Variants in TMEM236 observed in about 807,000 individuals in gnomAD.
The protein encoded by TMEM236 is transmembrane protein 236, also known as family with sequence similarity 23, member A.
Under a neutral mutation model 14.7 loss-of-function variants are expected in TMEM236, and 11 were observed. The observed-to-expected ratio is 0.75, with a 90% CI of 0.47 to 1.24. The LOEUF is 1.24. Among genes scored for constraint, TMEM236 ranks in the 50% most tolerant of loss-of-function variants. TMEM236 has a pLI of 0.00. For missense variants in TMEM236, 464 were observed against 427.3 expected (o/e 1.09, Z -0.76); for synonymous variants, 182 against 168.6 (o/e 1.08, Z -0.62).
At chr10:17,784,559 A>G (rs1554835597) in intron 3 of TMEM236, among the ~76,000 whole-genome samples, 1 of 152,170 alleles carries the variant, frequency 6.6e-6, no homozygotes, top group African/African-American at 2.4e-5. Flanking sequence ...CATTAAAATC[A>G]ACTATGGAAA....
intron 3 of TMEM236, among the ~76,000 whole-genome samples, chr10:17,785,825 T>A (rs1000799422): frequency 2.0e-5 from 3 of 152,060 alleles, no homozygotes; most frequent in African/African-American, 4.8e-5. Context: ...GTTCTAGGAT[T>A]TTTTTTCCTC....
chr10:17,758,674 T>C (rs903456831), intron 1 of TMEM236, among the ~76,000 whole-genome samples: 3 of 152,228 alleles, frequency 2.0e-5, no homozygotes, highest in Non-Finnish European at 4.4e-5. Context: ...ACTATTTTCA[T>C]TAAAAATGTG....
At chr10:17,767,487 G>A (rs928004431) in intron 1 of TMEM236, among the ~76,000 whole-genome samples, 4 of 152,016 alleles carry the variant, frequency 2.6e-5, no homozygotes, top group Admixed American at 6.6e-5. Flanking sequence ...AAGCATATAC[G>A]AGCAGTAAGT....
chr10:17,770,090 G>T (rs1837543945), intron 1 of TMEM236, among the ~76,000 whole-genome samples: 1 of 152,102 alleles, frequency 6.6e-6, no homozygotes, highest in South Asian at 2.1e-4. Flanking sequence ...TACAGTATTT[G>T]GTTTTCTGTT....
chr10:17,773,835 A>G (rs1375374745), intron 2 of TMEM236, among the ~76,000 whole-genome samples: 8 of 152,134 alleles, frequency 5.3e-5, no homozygotes, highest in African/African-American at 1.9e-4. Context: ...TTTTTTGATT[A>G]TATGTATTGC....
At position 17,796,739 on chromosome 10, in the gene TMEM236, G is replaced by T. The variant is rs1838022035; in HGVS notation, c.*235G>T. The stretch of plus-strand genomic sequence containing the variant: ...TGGCTCTCAGGTATTTCTAGAAAAT[G>T]TTAGCAGCTAATTTTAGTTAGTTAT... On this transcript the variant is annotated 3_prime_UTR_variant, in exon 4 of 4. Transcript: ENST00000377495. 3 of 542,656 alleles carry T rather than the reference G, an allele frequency of 5.5e-6. No homozygotes were observed. The Admixed American group carries it at 9.9e-5, about 18-fold the overall frequency. The allele number at this position is 542,656 out of a possible 1,614,324, so 33.6% of individuals were successfully genotyped here. A position where few individuals can be genotyped will look rare whatever the true frequency, so the allele number is the denominator to read the frequency against.
intron 3 of TMEM236, among the ~76,000 whole-genome samples, chr10:17,792,654 C>T (rs1025776797): frequency 3.8e-4 from 58 of 152,246 alleles, no homozygotes; most frequent in African/African-American, 1.2e-3. Flanking sequence ...GACCAAAAGT[C>T]GTTTCAGCAA....
At chr10:17,772,845 T>G (rs950715767) in intron 2 of TMEM236, among the ~76,000 whole-genome samples, 9 of 152,182 alleles carry the variant, frequency 5.9e-5, no homozygotes, top group African/African-American at 2.2e-4. Context: ...AATGACTCCC[T>G]TTCCCTCCTT....
At chr10:17,771,409 C>G in intron 2 of TMEM236, 28 bp downstream of exon 2, 1 of 1,596,590 alleles carries the variant, frequency 6.3e-7, no homozygotes, top group Non-Finnish European at 8.6e-7. Context: ...TCTTCTGCTA[C>G]AAGATTATGA....
chr10:17,790,370 A>G (rs1410734884), intron 3 of TMEM236, among the ~76,000 whole-genome samples: 1 of 152,150 alleles, frequency 6.6e-6, no homozygotes, highest in Non-Finnish European at 1.5e-5. Flanking sequence ...TTCCTAGTAC[A>G]GTATCTTAGA....
chr10:17,779,823 G>A (rs935396015), intron 3 of TMEM236, among the ~76,000 whole-genome samples: 9,388 of 152,034 alleles, frequency 0.062, 449 homozygotes, highest in Non-Finnish European at 0.096. Context: ...TCACTCTCAC[G>A]TGCAAACCCC....
intron 3 of TMEM236, among the ~76,000 whole-genome samples, chr10:17,792,538 T>G (rs1837943375): frequency 6.6e-6 from 1 of 152,208 alleles, no homozygotes; most frequent in Non-Finnish European, 1.5e-5. Flanking sequence ...GAGGTAAAAA[T>G]AAATCCATAA....
chr10:17,786,103 T>C (rs1554835691), intron 3 of TMEM236, among the ~76,000 whole-genome samples: 1 of 152,170 alleles, frequency 6.6e-6, no homozygotes, highest in East Asian at 1.9e-4. Context: ...GGCAAAAGAA[T>C]TGTGAATAAT....
intron 3 of TMEM236, among the ~76,000 whole-genome samples, chr10:17,779,466 C>T (rs1167373736): frequency 1.3e-5 from 2 of 152,004 alleles, no homozygotes; most frequent in African/African-American, 2.4e-5. Flanking sequence ...TTTTTCTGCT[C>T]CCATTTAATT....
At chr10:17,772,056 G>A (rs138452759) in intron 2 of TMEM236, among the ~76,000 whole-genome samples, 113,333 of 152,096 alleles carry the variant, frequency 0.75, 43,365 homozygotes, top group African/African-American at 0.86. Flanking sequence ...TATTTCACTT[G>A]TATGTGAAGC....
At chr10:17,763,716 A>G (rs1026999570) in intron 1 of TMEM236, among the ~76,000 whole-genome samples, 1 of 152,176 alleles carries the variant, frequency 6.6e-6, no homozygotes, top group Non-Finnish European at 1.5e-5. Context: ...GAATGAGTTG[A>G]TATAGTGAAT....
At chr10:17,771,632 C>T (rs1277535609) in intron 2 of TMEM236, among the ~76,000 whole-genome samples, 2 of 152,078 alleles carry the variant, frequency 1.3e-5, no homozygotes, top group Non-Finnish European at 2.9e-5. Flanking sequence ...GATATTTGAA[C>T]GTTTAAAAAG....
At chr10:17,794,184 C>T (rs1837971202) in intron 3 of TMEM236, among the ~76,000 whole-genome samples, 1 of 152,158 alleles carries the variant, frequency 6.6e-6, no homozygotes, top group Non-Finnish European at 1.5e-5. Flanking sequence ...ATTAGTTATT[C>T]ATAATAATTT....
chr10:17,764,663 T>C (rs1837431540), intron 1 of TMEM236, among the ~76,000 whole-genome samples: 1 of 152,046 alleles, frequency 6.6e-6, no homozygotes, highest in African/African-American at 2.4e-5. Context: ...GTGAGAGATG[T>C]AAGTAAGGAA....
Sources: allele counts gnomAD v4.1 joint callset (sites outside exome capture counted in the v4.1 genomes callset), GRCh38; gene constraint gnomAD v4.1.1; transcripts MANE v1.5; gene names NCBI Gene and HGNC (gene_info 2026-07-23, HGNC 2026-07-21).